TGFBR2: variants seen among roughly 807,000 people sequenced by gnomAD.
TGFBR2 encodes the protein TGF-beta receptor type-2.
A neutral mutation model predicts 49.0 loss-of-function variants in TGFBR2; 18 were observed. The observed-to-expected ratio is 0.37, with a 90% CI of 0.25 to 0.54. The LOEUF (loss-of-function observed/expected upper bound fraction) is 0.54, where lower values mean the gene tolerates loss of function less well. Among genes scored for constraint, TGFBR2 ranks in the 20% least tolerant of loss-of-function variants. The pLI is 0.85. For synonymous variants in TGFBR2, 282 were observed against 275.9 expected, an observed-to-expected ratio of 1.02 and a Z score of -0.22; for missense variants, 525 against 722.6, an observed-to-expected ratio of 0.73 and a Z score of 3.13.
At position 30,672,472 on chromosome 3, in the gene TGFBR2, T is replaced by G; in HGVS notation, c.1254+35T>G. ...AGCTAGTGCTAGATCCCCTTTACCT[T>G]GAGCCTGGCCTCACCCTACCTCTTG... On this transcript the variant is annotated intron_variant, in intron 4 of 6. Coordinates refer to ENST00000295754, the MANE Select transcript of TGFBR2 (RefSeq NM_003242.6). The surrounding 1 kb of genome is among the most constrained non-coding windows in gnomAD (Gnocchi z 4.5). 6.2e-7 allele frequency: 1 copy of G among 1,607,818 alleles called. No homozygotes were observed. Among genetic ancestry groups the G allele is most frequent in the Non-Finnish European group, 8.5e-7 (1 of 1,174,338 alleles).
chr3:30,678,408 C>T (rs1271900735), intron 5 of TGFBR2, among the ~76,000 whole-genome samples: 2 of 151,956 alleles, frequency 1.3e-5, no homozygotes, highest in Admixed American at 6.6e-5. Context: ...ATTAGCCGGG[C>T]GTGGCAGCAG....
intron 5 of TGFBR2, among the ~76,000 whole-genome samples, chr3:30,675,464 G>A (rs1699420608): frequency 6.6e-6 from 1 of 150,960 alleles, no homozygotes; most frequent in Non-Finnish European, 1.5e-5. Flanking sequence ...TCGGCTGACT[G>A]CAACCTCTGC....
At position 30,676,365 on chromosome 3, in the gene TGFBR2, C is replaced by T. The variant is rs908708248; in HGVS notation, c.1396+2119C>T. 4.6e-5 allele frequency among the ~76,000 whole-genome samples: 7 copies of T among 152,120 alleles called. No individual in the cohort carries two copies. Among genetic ancestry groups the T allele is most frequent in the African/African-American group, 1.7e-4 (7 of 41,410 alleles). On this transcript the variant is annotated intron_variant, in intron 5 of 6. Transcript: ENST00000295754. The surrounding 1 kb of genome is among the most constrained non-coding windows in gnomAD (Gnocchi z 4.3). ...TAATTTGATGATCTATGACTAATTC[C>T]TGCCTATAACAATTATTACTATAAT...
At chr3:30,648,942 C>T (rs1698827593) in intron 2 of TGFBR2, among the ~76,000 whole-genome samples, 1 of 152,142 alleles carries the variant, frequency 6.6e-6, no homozygotes, top group African/African-American at 2.4e-5. Context: ...ATGGGGATGG[C>T]CCCGCATCTT....
chr3:30,610,415 T>C (rs553441914), intron 1 of TGFBR2, among the ~76,000 whole-genome samples: 1 of 152,336 alleles, frequency 6.6e-6, no homozygotes, highest in African/African-American at 2.4e-5. Flanking sequence ...ATCAATTTGT[T>C]GTCTCTTTCC....
chr3:30,648,837 ACCC>A (rs1698825927), intron 2 of TGFBR2, among the ~76,000 whole-genome samples: 1 of 152,090 alleles, frequency 6.6e-6, no homozygotes, highest in South Asian at 2.1e-4. Context: ...CCTAACCCAT[ACCC>A]TTGCCCTTAT....
At chr3:30,645,687 T>C (rs1698721173) in intron 2 of TGFBR2, among the ~76,000 whole-genome samples, 1 of 152,036 alleles carries the variant, frequency 6.6e-6, no homozygotes. Context: ...GGTTTCACCA[T>C]GTTGGCCAGG....
In TGFBR2 at chr3:30,691,582, C is replaced by T. The variant is rs2125455808; in HGVS notation, c.1687C>T (p.Leu563=). The T allele has an allele frequency of 6.2e-7, 1 of 1,614,060 alleles. No homozygotes were observed. The highest frequency in any genetic ancestry group is 8.5e-7 in the Non-Finnish European group (1 of 1,179,978). The change falls in exon 7 of 7, where the codon CTA becomes TTA. Residue 563 remains leucine, a synonymous_variant. Coordinates refer to ENST00000295754, the MANE Select transcript of TGFBR2 (RefSeq NM_003242.6). ...SEEKIPEDGS[L]NTTK is the part of the protein sequence containing the mutation. ...GGAGAAGATTCCTGAAGACGGCTCC[C>T]TAAACACTACCAAATAGCTCTTCTG...
intron 3 of TGFBR2, among the ~76,000 whole-genome samples, chr3:30,662,031 G>C (rs1219975215): frequency 6.6e-6 from 1 of 152,042 alleles, no homozygotes; most frequent in African/African-American, 2.4e-5. Context: ...ATGATCTAGG[G>C]GTTGTGAGTT....
intron 3 of TGFBR2, among the ~76,000 whole-genome samples, chr3:30,652,457 C>T (rs1241769139): frequency 6.6e-6 from 1 of 152,052 alleles, no homozygotes; most frequent in Non-Finnish European, 1.5e-5. Flanking sequence ...TGGTCTCGAA[C>T]TCCTGACCTC....
intron 2 of TGFBR2, among the ~76,000 whole-genome samples, chr3:30,645,560 A>G (rs569923153): frequency 2.0e-3 from 287 of 146,470 alleles, no homozygotes; most frequent in Middle Eastern, 7.4e-3. Context: ...ATCTTGGCTC[A>G]CCGCAACCTC....
intron 2 of TGFBR2, among the ~76,000 whole-genome samples, chr3:30,646,803 G>A (rs1286947591): frequency 6.6e-6 from 1 of 151,964 alleles, no homozygotes; most frequent in African/African-American, 2.4e-5. Flanking sequence ...ACCCAAAAAG[G>A]CTCTTTTAAT....
In TGFBR2 at chr3:30,653,250, CTT is replaced by C. The variant is rs3076740; in HGVS notation, c.454+2808_454+2809del. Among the ~76,000 whole-genome samples, 165 of 113,418 alleles carry C rather than the reference CTT, an allele frequency of 1.5e-3. 1 individual carries two copies. The highest frequency in any genetic ancestry group is 2.3e-3 in the African/African-American group (69 of 29,466). The allele number at this position is 113,418 out of a possible 152,430, so 74.4% of individuals were successfully genotyped here. On this transcript the variant is annotated intron_variant, in intron 3 of 6. Transcript: ENST00000295754. ...TCTTCTTTATCTTGAGGAATGAAAA[CTT>C]TTTTTTTTTTTTTTTTTGAGACAGA...
intron 1 of TGFBR2, among the ~76,000 whole-genome samples, chr3:30,617,855 A>G (rs1425166690): frequency 2.6e-5 from 4 of 152,220 alleles, no homozygotes; most frequent in Non-Finnish European, 4.4e-5. Context: ...CACTTTCACA[A>G]GGTCCCCAGG....
chr3:30,657,683 C>G (rs1236623196), intron 3 of TGFBR2, among the ~76,000 whole-genome samples: 1 of 152,172 alleles, frequency 6.6e-6, no homozygotes, highest in Non-Finnish European at 1.5e-5. Context: ...CCACTAGATT[C>G]AAATTTCTTA....
At chr3:30,680,355 A>T (rs1658445398) in intron 5 of TGFBR2, among the ~76,000 whole-genome samples, 1 of 152,176 alleles carries the variant, frequency 6.6e-6, no homozygotes, top group Admixed American at 6.5e-5. Context: ...TTGATACCTT[A>T]AAATTTGAGA....
rs1001658526 is a variant in TGFBR2, at chr3:30,692,482, A to G, written c.*883A>G. 2.6e-4 allele frequency: 61 copies of G among 232,734 alleles called. 1 individual carries two copies. The highest frequency in any genetic ancestry group is 1.3e-3 in the African/African-American group (58 of 45,294). The allele number at this position is 232,734 out of a possible 1,614,324, so 14.4% of individuals were successfully genotyped here. On this transcript the variant is annotated 3_prime_UTR_variant, in exon 7 of 7. Coordinates refer to ENST00000295754, the MANE Select transcript of TGFBR2 (RefSeq NM_003242.6). ...CGATTGCCCCACCATCTACTAATGA[A>G]AAATTGTTCTTTTTTTCATCTTTCC...
At chr3:30,655,032 G>C (rs1033876060) in intron 3 of TGFBR2, among the ~76,000 whole-genome samples, 6 of 152,222 alleles carry the variant, frequency 3.9e-5, no homozygotes, top group Admixed American at 3.9e-4. Context: ...GCTCTGCTAT[G>C]TTGGGCCAGT....
intron 1 of TGFBR2, among the ~76,000 whole-genome samples, chr3:30,628,128 T>TTTA (rs1553625778): frequency 1.1e-4 from 6 of 54,966 alleles, no homozygotes; most frequent in African/African-American, 3.9e-4. Context: ...TTTTTTTTTT[T>TTTA]AATCATCTGT....
Sources: gnomAD v4.1 joint callset for allele counts (sites outside exome capture counted in the v4.1 genomes callset) on GRCh38, gnomAD v4.1.1 for gene constraint, Gnocchi (gnomAD v3.1) non-coding constraint, MANE v1.5 for transcripts, NCBI Gene and HGNC (gene_info 2026-07-23, HGNC 2026-07-21) for gene names.